Variants in TENM4 observed in about 807,000 individuals in gnomAD.
TENM4 encodes teneurin-4.
Under a neutral mutation model 243.3 loss-of-function variants are expected in TENM4, and 82 were observed. The observed-to-expected ratio is 0.34, with a 90% confidence interval of 0.28 to 0.40. TENM4 has a LOEUF of 0.40. TENM4 is among the 10% of genes least tolerant of loss of function. The pLI, the probability that TENM4 is intolerant of heterozygous loss-of-function variation, is 1.00. For missense variants in TENM4, 3,138 were observed against 3,673.3 expected, an observed-to-expected ratio of 0.85 and a Z score of 3.77; for synonymous variants, 1,412 against 1,456.3, an observed-to-expected ratio of 0.97 and a Z score of 0.69.
At chr11:78,997,376 T>G (rs58519059) in intron 6 of TENM4, among the ~76,000 whole-genome samples, 68,279 of 152,068 alleles carry the variant, frequency 0.45, 16,846 homozygotes, top group African/African-American at 0.68. Flanking sequence ...GATTTGAGGG[T>G]TTATGACTCT....
In TENM4 at chr11:79,044,383, C is replaced by T. The variant is rs182322309; in HGVS notation, c.493+20355G>A. ...TCTAGCTAATCAGGTCAGAGGGATC[C>T]CTGTGCAGCAGTGCTGACAAGGGAA... On this transcript the variant is annotated intron_variant, in intron 6 of 33. Coordinates refer to ENST00000278550, the MANE Select transcript of TENM4 (RefSeq NM_001098816.3). Among the ~76,000 whole-genome samples, 257 of 152,270 alleles carry T rather than the reference C, an allele frequency of 1.7e-3. 3 individuals are homozygous for T. The Middle Eastern group carries it at 0.017, about 10-fold the overall frequency.
intron 9 of TENM4, among the ~76,000 whole-genome samples, chr11:78,874,917 C>T (rs1006655552): frequency 6.6e-6 from 1 of 152,214 alleles, no homozygotes; most frequent in African/African-American, 2.4e-5. Flanking sequence ...ATCTAGCTGC[C>T]TGCCACATGC....
chr11:78,928,495 C>T (rs959371336), intron 6 of TENM4, among the ~76,000 whole-genome samples: 2 of 152,168 alleles, frequency 1.3e-5, no homozygotes, highest in African/African-American at 4.8e-5. Flanking sequence ...AGGTGCTTGA[C>T]GGAATAGATT....
chr11:79,150,876 A>C (rs115003653), intron 3 of TENM4, among the ~76,000 whole-genome samples: 206 of 152,316 alleles, frequency 1.4e-3, no homozygotes, highest in African/African-American at 4.8e-3. Context: ...CACTGTGCTA[A>C]ACATTATTTT....
At position 78,786,971 on chromosome 11, in the gene TENM4, A is replaced by G. The variant is rs764399087; in HGVS notation, c.2292T>C (p.Cys764=). The change falls in exon 16 of 34, where the codon TGT becomes TGC. Residue 764 remains cysteine (C), a synonymous_variant. Transcript: ENST00000278550. ...CGTCGCGGCAGGTCCCATGCTCGGCACAGCGCGGGTGGCAGGCCCGCTGGT... is the reference window on the plus strand; with the variant it reads ...CGTCGCGGCAGGTCCCATGCTCGGCGCAGCGCGGGTGGCAGGCCCGCTGGT... ...ACDQRACHPR[C]AEHGTCRDGK... The G allele has an allele frequency of 2.5e-6, 4 of 1,593,728 alleles. No individual in the cohort carries two copies. The African/African-American group carries it at 4.0e-5, about 16-fold the overall frequency.
intron 6 of TENM4, among the ~76,000 whole-genome samples, chr11:79,051,912 G>A (rs146613119): frequency 6.6e-6 from 1 of 152,176 alleles, no homozygotes; most frequent in African/African-American, 2.4e-5. Context: ...TAAGGATGAT[G>A]GCTTCCAGCT....
At chr11:79,035,345 T>A (rs1172011124) in intron 6 of TENM4, among the ~76,000 whole-genome samples, 1 of 152,198 alleles carries the variant, frequency 6.6e-6, no homozygotes, top group Non-Finnish European at 1.5e-5. Flanking sequence ...TATTTTTTAT[T>A]TTATTTTAAA....
intron 6 of TENM4, among the ~76,000 whole-genome samples, chr11:78,963,103 C>G (rs1018910808): frequency 6.6e-6 from 1 of 152,190 alleles, no homozygotes; most frequent in Non-Finnish European, 1.5e-5. Context: ...TAGCTTAATT[C>G]TAGGGGGTCT....
chr11:78,760,599 C>A (rs977645457), intron 18 of TENM4, among the ~76,000 whole-genome samples: 1 of 152,204 alleles, frequency 6.6e-6, no homozygotes, highest in Admixed American at 6.5e-5. Context: ...TGGGACCCAG[C>A]ATGTATGCCT....
At chr11:78,734,278 T>A (rs1173189269) in intron 20 of TENM4, among the ~76,000 whole-genome samples, 2 of 152,114 alleles carry the variant, frequency 1.3e-5, no homozygotes, top group Non-Finnish European at 2.9e-5. Flanking sequence ...AAAGTTGAAA[T>A]CAAGTAATAG....
At chr11:79,261,664 G>T (rs140214131) in intron 2 of TENM4, among the ~76,000 whole-genome samples, 1 of 152,148 alleles carries the variant, frequency 6.6e-6, no homozygotes, top group African/African-American at 2.4e-5. Flanking sequence ...TTTGTAGGAC[G>T]TGATGGCTTC....
chr11:79,346,043 C>T (rs1169676247), intron 1 of TENM4, among the ~76,000 whole-genome samples: 2 of 152,202 alleles, frequency 1.3e-5, no homozygotes, highest in African/African-American at 2.4e-5. Context: ...ACTATCCCTT[C>T]AGTCCTGACG....
chr11:78,786,093 T>C (rs538818382), intron 16 of TENM4, among the ~76,000 whole-genome samples: 56 of 152,230 alleles, frequency 3.7e-4, no homozygotes, highest in African/African-American at 1.3e-3. Context: ...TCCAGGATAA[T>C]AAACCAAGCA....
At chr11:79,346,530 C>G (rs912427677) in intron 1 of TENM4, among the ~76,000 whole-genome samples, 1 of 152,158 alleles carries the variant, frequency 6.6e-6, no homozygotes, top group East Asian at 1.9e-4. Context: ...ACCACATACA[C>G]ACGCTTATTC....
At chr11:78,867,432 C>T (rs1218916218) in intron 9 of TENM4, among the ~76,000 whole-genome samples, 1 of 152,074 alleles carries the variant, frequency 6.6e-6, no homozygotes, top group African/African-American at 2.4e-5. Context: ...TGCTAGTGAC[C>T]CTGTCATTCT....
chr11:78,697,139 A>G (rs530623293), intron 28 of TENM4, among the ~76,000 whole-genome samples: 9 of 152,270 alleles, frequency 5.9e-5, no homozygotes, highest in African/African-American at 1.9e-4. Context: ...ATTTGTAGAG[A>G]AAAAAGTCCC....
intron 12 of TENM4, among the ~76,000 whole-genome samples, chr11:78,820,619 A>G (rs889319724): frequency 1.3e-5 from 2 of 152,204 alleles, no homozygotes; most frequent in Admixed American, 1.3e-4. Flanking sequence ...CCATTTATGA[A>G]TTAAAAAACA....
intron 6 of TENM4, among the ~76,000 whole-genome samples, chr11:78,934,937 A>G (rs534888031): frequency 1.3e-5 from 2 of 151,208 alleles, no homozygotes; most frequent in South Asian, 4.2e-4. Flanking sequence ...TTCATGACCA[A>G]CACTTATTTT....
chr11:78,754,931 C>A (rs1856272301), intron 19 of TENM4, among the ~76,000 whole-genome samples: 1 of 152,198 alleles, frequency 6.6e-6, no homozygotes, highest in Non-Finnish European at 1.5e-5. Flanking sequence ...CCTTTCTCAT[C>A]TCGTCACGAC....
Sources: gnomAD v4.1 joint callset for allele counts (sites outside exome capture counted in the v4.1 genomes callset) on GRCh38, gnomAD v4.1.1 for gene constraint, MANE v1.5 for transcripts, NCBI Gene and HGNC (gene_info 2026-07-23, HGNC 2026-07-21) for gene names.